Variants in C10orf143 observed in about 807,000 individuals in gnomAD.
C10orf143 encodes the protein uncharacterized protein C10orf143.
chr10:130,045,048 C>A (rs948861890), intron 3 of C10orf143, among the ~76,000 whole-genome samples: 2 of 152,206 alleles, frequency 1.3e-5, no homozygotes, highest in Non-Finnish European at 2.9e-5. Context: ...TGCCCTGTCC[C>A]CCCGTCCCCT....
chr10:130,075,997 T>C (rs1861110614), intron 3 of C10orf143, among the ~76,000 whole-genome samples: 1 of 151,186 alleles, frequency 6.6e-6, no homozygotes, highest in East Asian at 1.9e-4. Context: ...GTTTGTTTTT[T>C]TTTTTGGAAA....
intron 3 of C10orf143, among the ~76,000 whole-genome samples, chr10:130,046,415 G>C (rs78349869): frequency 0.062 from 9,367 of 152,092 alleles, 649 homozygotes; most frequent in East Asian, 0.21. Context: ...GGCAGTCTTC[G>C]GTGGTTCTCA....
At chr10:130,102,907 C>T (rs927938026) in intron 1 of C10orf143, among the ~76,000 whole-genome samples, 3 of 151,260 alleles carry the variant, frequency 2.0e-5, no homozygotes, top group Non-Finnish European at 4.4e-5. Flanking sequence ...ATTTTTTTTG[C>T]GTCCTTTTAT....
downstream of C10orf143, among the ~76,000 whole-genome samples, chr10:130,058,949 T>C (rs1302422020): frequency 6.6e-6 from 1 of 152,138 alleles, no homozygotes; most frequent in Non-Finnish European, 1.5e-5. Context: ...CCCACACACA[T>C]GCACAATGTT....
chr10:130,096,279 A>G (rs1861460488), intron 1 of C10orf143, among the ~76,000 whole-genome samples: 2 of 152,056 alleles, frequency 1.3e-5, no homozygotes, highest in South Asian at 4.2e-4. Flanking sequence ...ATCATTAAAA[A>G]GTCAGGAAAC....
At chr10:130,044,745 A>G (rs1860646675) in intron 3 of C10orf143, among the ~76,000 whole-genome samples, 1 of 152,126 alleles carries the variant, frequency 6.6e-6, no homozygotes, top group African/African-American at 2.4e-5. Context: ...CCATTTGTCA[A>G]CGGACCACTT....
chr10:130,078,141 A>C (rs1861149630), intron 3 of C10orf143, among the ~76,000 whole-genome samples: 2 of 152,244 alleles, frequency 1.3e-5, no homozygotes, highest in African/African-American at 4.8e-5. Context: ...ACCCTAATCA[A>C]ATAGGTACTG....
In C10orf143 at chr10:130,056,535, G is replaced by C. The variant is rs907523236; in HGVS notation, c.298-20565C>G. Among the ~76,000 whole-genome samples the C allele has an allele frequency of 2.0e-5, 3 of 152,222 alleles. No individual in the cohort carries two copies. The East Asian group carries it at 5.8e-4, about 29-fold the overall frequency. On this transcript the variant is annotated intron_variant and NMD_transcript_variant, in intron 3 of 5. Coordinates refer to the C10orf143 transcript ENST00000643056. The surrounding 1 kb of genome is among the most constrained non-coding windows in gnomAD (Gnocchi z 4.6). Reference sequence around the variant, plus strand: ...TGTCATTTTACAGAGAAAGGGAAGGGTTGAGCCATTGAGAGTTTTTTATTT... The same window carrying C: ...TGTCATTTTACAGAGAAAGGGAAGGCTTGAGCCATTGAGAGTTTTTTATTT...
intron 3 of C10orf143, among the ~76,000 whole-genome samples, chr10:130,055,840 G>A (rs370405751): frequency 1.3e-4 from 19 of 151,570 alleles, no homozygotes; most frequent in Admixed American, 2.0e-4. Context: ...CAGCTACTTG[G>A]GAGGCTGAGG....
chr10:130,091,204 C>T (rs1426940857), intron 1 of C10orf143, among the ~76,000 whole-genome samples: 2 of 152,174 alleles, frequency 1.3e-5, no homozygotes, highest in South Asian at 4.1e-4. Flanking sequence ...CCCTCTGGGA[C>T]GAAGCTTCCA....
chr10:130,104,893 T>A (rs769676102), intron 1 of C10orf143: 1 of 152,200 alleles, frequency 6.6e-6, no homozygotes, highest in Non-Finnish European at 1.5e-5. Flanking sequence ...GATAGCCAAT[T>A]TAGGACTTCA....
Position 130,108,062 on chromosome 10 carries a change from A to G in C10orf143, c.69+2642T>C, listed in dbSNP as rs61739077. ...CAAAGATGATCTTGGTAATTTAAAT[A>G]TCCCTGATTCATCTCTCCCTGCTGA... On this transcript the variant is annotated intron_variant, in intron 1 of 3. Transcript: ENST00000637128. 0.01 allele frequency: 15,348 copies of G among 1,483,234 alleles called. 1,250 individuals carry two copies. In the African/African-American group the frequency reaches 0.18, roughly 18 times the overall value. The allele number at this position is 1,483,234 out of a possible 1,614,324, so 91.9% of individuals were successfully genotyped here.
At position 130,095,085 on chromosome 10, in the gene C10orf143, GACAA is replaced by G. The variant is rs544509110; in HGVS notation, c.70-15188_70-15185del. Among the ~76,000 whole-genome samples the G allele has an allele frequency of 8.2e-3, 1,255 of 152,144 alleles. 6 individuals are homozygous for G. The highest frequency in any genetic ancestry group is 0.021 in the South Asian group (101 of 4,828). On this transcript the variant is annotated intron_variant, in intron 1 of 3. Coordinates refer to ENST00000637128, the MANE Select transcript of C10orf143 (RefSeq NM_001355042.2). ...AAAACATTCCTATACACCAATAATAGACAAACAGAGGGCCAAATCATGAGTGAAC... is the reference window on the plus strand; with the variant it reads ...AAAACATTCCTATACACCAATAATAGACAGAGGGCCAAATCATGAGTGAAC...
intron 3 of C10orf143, among the ~76,000 whole-genome samples, chr10:130,076,533 C>T (rs1013913521): frequency 6.6e-5 from 10 of 152,188 alleles, no homozygotes; most frequent in Non-Finnish European, 1.0e-4. Flanking sequence ...GGCTACAAAA[C>T]GTCAGAGACC....
intron 3 of C10orf143, 86 bp downstream of exon 3, chr10:130,079,480 C>T (rs1416626940): frequency 2.5e-6 from 1 of 398,170 alleles, no homozygotes; most frequent in African/African-American, 2.1e-5. Flanking sequence ...AACATAATTG[C>T]AGTTTTTATT....
chr10:130,044,504 A>G (rs560541042), intron 3 of C10orf143, among the ~76,000 whole-genome samples: 2 of 152,236 alleles, frequency 1.3e-5, no homozygotes, highest in South Asian at 4.1e-4. Context: ...AGGGGCTGGG[A>G]ACCCCGGGTG....
At chr10:130,082,295 A>G (rs1023762172) in intron 1 of C10orf143, among the ~76,000 whole-genome samples, 5 of 152,022 alleles carry the variant, frequency 3.3e-5, no homozygotes, top group African/African-American at 1.2e-4. Context: ...TATAGGTATG[A>G]GCCACTGTGC....
intron 3 of C10orf143, among the ~76,000 whole-genome samples, chr10:130,077,109 G>C (rs1296217044): frequency 1.3e-5 from 2 of 152,114 alleles, no homozygotes; most frequent in Non-Finnish European, 2.9e-5. Flanking sequence ...AACCACCTCA[G>C]TCACTCCTGA....
intron 1 of C10orf143, among the ~76,000 whole-genome samples, chr10:130,110,437 C>A (rs895252484): frequency 2.6e-5 from 4 of 152,236 alleles, no homozygotes; most frequent in Non-Finnish European, 4.4e-5. Flanking sequence ...GGGTCTGGAG[C>A]CCCAGTGAGC....
Sources: gnomAD v4.1 joint callset for allele counts (sites outside exome capture counted in the v4.1 genomes callset) on GRCh38, gnomAD v4.1.1 for gene constraint, Gnocchi (gnomAD v3.1) non-coding constraint, MANE v1.5 for transcripts, NCBI Gene and HGNC (gene_info 2026-07-23, HGNC 2026-07-21) for gene names.